The following RANBP17 variants were observed in gnomAD, a reference collection of about 807,000 sequenced individuals.
RANBP17 encodes the protein RAN binding protein 17.
Under a neutral mutation model 141.2 loss-of-function variants are expected in RANBP17, and 158 were observed. The observed-to-expected ratio is 1.12, with a 90% CI of 0.98 to 1.28. The LOEUF (loss-of-function observed/expected upper bound fraction) is 1.28. Among genes scored for constraint, RANBP17 ranks in the 50% most tolerant of loss-of-function variants. The probability of loss-of-function intolerance (pLI) is 0.00; values close to 1 mark genes in which losing one functional copy is unlikely to be tolerated. For synonymous variants in RANBP17, 430 were observed against 450.0 expected (o/e 0.96, Z 0.56); for missense variants, 1,438 against 1,290.7 (o/e 1.11, Z -1.75).
chr5:171,110,420 G>T (rs1029605378), intron 14 of RANBP17, among the ~76,000 whole-genome samples: 2 of 152,154 alleles, frequency 1.3e-5, no homozygotes, highest in Admixed American at 6.6e-5. Context: ...TGCACAGCCT[G>T]TTGGTTTACT....
rs1776734773 is a variant in RANBP17 at position 170,968,289 on chromosome 5, G to T, written c.1622G>T (p.Cys541Phe). Residue 541 changes from cysteine (C) to phenylalanine (F), a missense_variant, in exon 14 of 28, where the codon TGT (cysteine) becomes TTT (phenylalanine). Cys to Phe is a radical substitution (Grantham distance 205). Coordinates refer to ENST00000523189, the MANE Select transcript of RANBP17 (RefSeq NM_022897.5). ...SLMDTGLPRC[C>F]NEKIELAILW... ...ATGGATACCGGATTGCCTCGATGTTGTAATGAGAAAATAGAGCTTGCAATT... is the reference window on the plus strand; with the variant it reads ...ATGGATACCGGATTGCCTCGATGTTTTAATGAGAAAATAGAGCTTGCAATT... 6.2e-7 allele frequency: 1 copy of T among 1,607,220 alleles called. No individual in the cohort carries two copies. Among genetic ancestry groups the T allele is most frequent in the East Asian group, 2.2e-5 (1 of 44,680 alleles).
In RANBP17 at chr5:170,991,289, A is replaced by G. The variant is rs547873969; in HGVS notation, c.1710+22912A>G. 2.0e-3 allele frequency among the ~76,000 whole-genome samples: 306 copies of G among 152,084 alleles called. 2 individuals are homozygous for G. The highest frequency in any genetic ancestry group is 7.1e-3 in the African/African-American group (293 of 41,542). ...TTTCAGATTGTACCAAATGCCTCTC[A>G]TTTAAGTTTATCAGTTAGGATTTAA... On this transcript the variant is annotated intron_variant, in intron 14 of 27. Transcript: ENST00000523189.
intron 8 of RANBP17, among the ~76,000 whole-genome samples, chr5:170,915,101 C>T (rs1479737919): frequency 2.0e-5 from 3 of 152,092 alleles, no homozygotes; most frequent in Admixed American, 1.3e-4. Context: ...GTTGGGGCCA[C>T]AGCCTTCTGT....
At position 170,862,100 on chromosome 5, in the gene RANBP17, C is replaced by T. The variant is rs574577654; in HGVS notation, c.18+49C>T. 9.9e-5 allele frequency: 142 copies of T among 1,427,608 alleles called. 1 individual carries two copies. In the South Asian group the frequency reaches 1.0e-3, roughly 10 times the overall value. The allele number at this position is 1,427,608 out of a possible 1,614,324, so 88.4% of individuals were successfully genotyped here. On this transcript the variant is annotated intron_variant, in intron 1 of 27. Transcript: ENST00000523189. ...CCCGCGCTCCGCCACGCTGGGAACC[C>T]GGCGGGACGCGTCTGGAGACCGAGG...
intron 16 of RANBP17, among the ~76,000 whole-genome samples, chr5:171,172,501 A>G (rs964873278): frequency 2.0e-5 from 3 of 151,138 alleles, no homozygotes; most frequent in African/African-American, 7.3e-5. Context: ...GCTTTTTAAG[A>G]TATGTATTTT....
chr5:171,171,711 A>G (rs1458416936), intron 16 of RANBP17, among the ~76,000 whole-genome samples: 3 of 152,006 alleles, frequency 2.0e-5, no homozygotes, highest in Non-Finnish European at 4.4e-5. Flanking sequence ...GTGAGTAAAT[A>G]TATCTCTAAT....
At chr5:170,894,504 A>ATG (rs1419779054) in intron 4 of RANBP17, among the ~76,000 whole-genome samples, 1 of 147,882 alleles carries the variant, frequency 6.8e-6, no homozygotes, top group African/African-American at 2.5e-5. Flanking sequence ...ATATATATAT[A>ATG]TATGGCTTGA....
chr5:171,154,936 G>C (rs950672284), intron 14 of RANBP17, among the ~76,000 whole-genome samples: 1 of 151,604 alleles, frequency 6.6e-6, no homozygotes, highest in Non-Finnish European at 1.5e-5. Flanking sequence ...AATTAGCCGG[G>C]CATGGTGGCG....
chr5:170,919,419 C>T (rs1160881501), intron 10 of RANBP17, 22 bp from the exon 11 acceptor site: 1 of 1,473,744 alleles, frequency 6.8e-7, no homozygotes, highest in Non-Finnish European at 9.1e-7. Context: ...TTTTAAATAA[C>T]TTCTGCTTTA....
chr5:170,994,206 T>C (rs1046429880), intron 14 of RANBP17, among the ~76,000 whole-genome samples: 2 of 152,058 alleles, frequency 1.3e-5, no homozygotes, highest in Non-Finnish European at 2.9e-5. Context: ...AGTTTGGAAC[T>C]CAAAGCTTTT....
intron 24 of RANBP17, among the ~76,000 whole-genome samples, chr5:171,244,805 G>GT (rs1396843509): frequency 6.6e-6 from 1 of 151,908 alleles, no homozygotes; most frequent in Non-Finnish European, 1.5e-5. Context: ...TCAGGTTTAT[G>GT]TTTTTTTAAC....
chr5:170,862,969 G>A (rs375121867), intron 1 of RANBP17, among the ~76,000 whole-genome samples: 31 of 152,320 alleles, frequency 2.0e-4, no homozygotes, highest in African/African-American at 6.5e-4. Context: ...GAGTGAAGCA[G>A]AGCTGCTATG....
At position 171,120,207 on chromosome 5, in the gene RANBP17, T is replaced by C. The variant is rs376128480; in HGVS notation, c.1711-49923T>C. On this transcript the variant is annotated intron_variant, in intron 14 of 27. Coordinates refer to ENST00000523189, the MANE Select transcript of RANBP17 (RefSeq NM_022897.5). ...GTGCTGAGCCACCTGGAACTGGGAG[T>C]GTGGTGATTCAAGGCCCTCTTGGTC... is the stretch of plus-strand genomic sequence containing the variant. 5.5e-4 allele frequency among the ~76,000 whole-genome samples: 84 copies of C among 152,052 alleles called. 2 individuals carry two copies. The South Asian group carries it at 0.014, about 24-fold the overall frequency.
intron 5 of RANBP17, among the ~76,000 whole-genome samples, chr5:170,907,262 C>T (rs1172649721): frequency 6.6e-6 from 1 of 151,818 alleles, no homozygotes; most frequent in Non-Finnish European, 1.5e-5. Context: ...TCCTGTGCCT[C>T]CAAGGTAGAG....
chr5:171,028,967 AG>A, intron 14 of RANBP17: 4 of 1,286,222 alleles, frequency 3.1e-6, no homozygotes, highest in Non-Finnish European at 4.1e-6. Context: ...CATCTGAACC[AG>A]GGATCACAGT....
chr5:171,108,516 C>T (rs752796342), intron 14 of RANBP17, among the ~76,000 whole-genome samples: 35 of 152,038 alleles, frequency 2.3e-4, no homozygotes, highest in Non-Finnish European at 3.7e-4. Flanking sequence ...CGGTTCAAGC[C>T]GTCCTCCTAC....
chr5:171,257,341 C>A (rs1005767956), intron 24 of RANBP17, among the ~76,000 whole-genome samples: 1 of 152,082 alleles, frequency 6.6e-6, no homozygotes, highest in Non-Finnish European at 1.5e-5. Flanking sequence ...TGCAGAAAAA[C>A]CATTTGATAA....
At chr5:171,099,681 A>G (rs1279421368) in intron 14 of RANBP17, among the ~76,000 whole-genome samples, 3 of 152,142 alleles carry the variant, frequency 2.0e-5, no homozygotes, top group Admixed American at 2.0e-4. Flanking sequence ...TTCTTGTGCC[A>G]GTTTTCAAAG....
chr5:171,073,477 C>A (rs1319574725), intron 14 of RANBP17, among the ~76,000 whole-genome samples: 3 of 152,100 alleles, frequency 2.0e-5, no homozygotes, highest in African/African-American at 7.2e-5. Context: ...AAGTTTCTCT[C>A]TGTCAGAGTA....
Sources: allele counts gnomAD v4.1 joint callset (sites outside exome capture counted in the v4.1 genomes callset), GRCh38; gene constraint gnomAD v4.1.1; transcripts MANE v1.5; gene names NCBI Gene and HGNC (gene_info 2026-07-23, HGNC 2026-07-21).